TRAP1: variants seen among roughly 807,000 people sequenced by gnomAD.
TRAP1 encodes heat shock protein 75 kDa, mitochondrial.
In TRAP1, 102 loss-of-function variants were observed where a neutral mutation model predicts 89.1. The observed-to-expected ratio is 1.15, with a 90% confidence interval of 0.98 to 1.35. The LOEUF (loss-of-function observed/expected upper bound fraction) is 1.35. Ranked by LOEUF, TRAP1 falls within the 40% of genes most tolerant of loss-of-function variation. The pLI, the probability that TRAP1 is intolerant of heterozygous loss-of-function variation, is 0.00. For synonymous variants in TRAP1, 508 were observed against 388.0 expected, an observed-to-expected ratio of 1.31 and a Z score of -3.64; for missense variants, 1,256 against 945.3, an observed-to-expected ratio of 1.33 and a Z score of -4.31.
intron 1 of TRAP1, among the ~76,000 whole-genome samples, chr16:3,697,435 C>T (rs922715853): frequency 2.0e-5 from 3 of 151,874 alleles, no homozygotes; most frequent in Non-Finnish European, 4.4e-5. Flanking sequence ...GAGGCCGAGG[C>T]GGGAGGATCA....
At chr16:3,664,723 C>A (rs1159208160) in intron 12 of TRAP1, 2 of 432,054 alleles carry the variant, frequency 4.6e-6, no homozygotes, top group South Asian at 2.9e-5. Flanking sequence ...GCGCACCACG[C>A]CCTGGGAGGG....
chr16:3,702,651 G>A (rs912574401), intron 1 of TRAP1, among the ~76,000 whole-genome samples: 1 of 151,640 alleles, frequency 6.6e-6, no homozygotes, highest in East Asian at 1.9e-4. Flanking sequence ...TACTTGAGGC[G>A]GAAGGATCAC....
In TRAP1 at chr16:3,674,458, A is replaced by G. The variant is rs753342714; in HGVS notation, c.925T>C (p.Trp309Arg). The G allele has an allele frequency of 6.2e-7, 1 of 1,613,896 alleles. No individual in the cohort carries two copies. The highest frequency in any genetic ancestry group is 1.3e-5 in the African/African-American group (1 of 74,910). Reference protein sequence around the residue: ...WMMDPKDVREWQHEEFYRYVA... With the variant: ...WMMDPKDVRERQHEEFYRYVA... ...TAGCGGTAGAACTCCTCATGTTGCC[A>G]CTCACGGACATCCTTGGGGTCCATC... Residue 309 changes from tryptophan (W) to arginine (R), a missense_variant, in exon 9 of 18, where the codon TGG (tryptophan) becomes CGG (arginine). Trp to Arg is a moderately radical substitution (Grantham distance 101, BLOSUM62 -3). Transcript: ENST00000246957.
At chr16:3,663,779 G>A (rs951482233) in intron 13 of TRAP1, 26 of 586,668 alleles carry the variant, frequency 4.4e-5, no homozygotes, top group Admixed American at 6.1e-5. Flanking sequence ...CACGCATAAA[G>A]AAATCCACAT....
intron 1 of TRAP1, among the ~76,000 whole-genome samples, chr16:3,706,233 C>T (rs976005622): frequency 1.3e-5 from 2 of 152,090 alleles, no homozygotes; most frequent in Admixed American, 6.6e-5. Context: ...AGATTGTAGA[C>T]ATGAGCCACT....
intron 7 of TRAP1, among the ~76,000 whole-genome samples, chr16:3,675,694 C>A (rs2151255945): frequency 6.6e-6 from 1 of 152,312 alleles, no homozygotes; most frequent in East Asian, 1.9e-4. Context: ...GTACTCAGGG[C>A]CTCCCTGAGT....
intron 4 of TRAP1, among the ~76,000 whole-genome samples, chr16:3,683,842 G>A (rs1451230383): frequency 2.6e-5 from 4 of 151,358 alleles, no homozygotes; most frequent in Non-Finnish European, 4.4e-5. Context: ...ATCATCTGTT[G>A]CCAGGCGACC....
intron 16 of TRAP1, chr16:3,661,052 A>G (rs940308745): frequency 6.6e-6 from 1 of 152,212 alleles, no homozygotes; most frequent in Non-Finnish European, 1.5e-5. Flanking sequence ...AAATTGCTAC[A>G]TTCAAAATTT....
intron 11 of TRAP1, among the ~76,000 whole-genome samples, chr16:3,669,343 C>T (rs11646287): frequency 0.44 from 66,896 of 152,054 alleles, 16,895 homozygotes; most frequent in African/African-American, 0.71. Context: ...GCCCTGTGGT[C>T]ATGTCGGCAG....
chr16:3,660,897 C>G lies in TRAP1; in HGVS notation c.1940+1090G>C, dbSNP rs996268492. 2 of 152,080 alleles carry G rather than the reference C, an allele frequency of 1.3e-5. 1 individual carries two copies. The highest frequency in any genetic ancestry group is 4.8e-5 in the African/African-American group (2 of 41,398). 9.4% of individuals were successfully genotyped at this position (152,080 alleles called of 1,614,324 possible). A position where few individuals can be genotyped will look rare whatever the true frequency, so the allele number is the denominator to read the frequency against. ...TGAGATTGCCCCACTGCACTCCAAC[C>G]TGGGGGACAGAGTGAGACCCTGTCT... On this transcript the variant is annotated intron_variant, in intron 16 of 17. Transcript: ENST00000246957.
At chr16:3,694,114 TGG>T (rs2051254815) in intron 1 of TRAP1, among the ~76,000 whole-genome samples, 1 of 151,884 alleles carries the variant, frequency 6.6e-6, no homozygotes, top group Non-Finnish European at 1.5e-5. Context: ...CCGGCATCCT[TGG>T]TGTTTCATGC....
intron 4 of TRAP1, among the ~76,000 whole-genome samples, chr16:3,683,770 T>A (rs1268936223): frequency 6.0e-5 from 9 of 151,028 alleles, no homozygotes; most frequent in Middle Eastern, 3.4e-3. Flanking sequence ...AAAATTGAAA[T>A]CTGTTCTAAA....
intron 1 of TRAP1, among the ~76,000 whole-genome samples, chr16:3,705,042 T>C (rs1443899518): frequency 6.6e-6 from 1 of 152,068 alleles, no homozygotes; most frequent in African/African-American, 2.4e-5. Context: ...TTCACAAAGT[T>C]GTACAGCCAC....
rs758152262 is a variant in TRAP1 at position 3,689,171 on chromosome 16, T to A, written c.248-34A>T. On this transcript the variant is annotated intron_variant, in intron 2 of 17. Coordinates refer to ENST00000246957, the MANE Select transcript of TRAP1 (RefSeq NM_016292.3). ...GAAACACAGACACAACCAACAAAGT[T>A]TAACTTCTATTTTTGTGCAAGAATA... 5.1e-6 allele frequency: 8 copies of A among 1,575,642 alleles called. No individual in the cohort carries two copies. In the Admixed American group the frequency reaches 1.4e-4, roughly 27 times the overall value.
At chr16:3,665,461 A>C (rs1451432086) in intron 12 of TRAP1, 1 of 154,256 alleles carries the variant, frequency 6.5e-6, no homozygotes, top group Non-Finnish European at 1.4e-5. Context: ...TGGACAAAAA[A>C]TGTTTATGGA....
In TRAP1 at chr16:3,679,706, G is replaced by C. The variant is rs1430083791; in HGVS notation, c.543+13C>G. The C allele has an allele frequency of 1.7e-5, 28 of 1,613,780 alleles. No individual in the cohort carries two copies. Among genetic ancestry groups the C allele is most frequent in the Non-Finnish European group, 2.1e-5 (25 of 1,179,910 alleles). ...AGGGGAAGGGGGAGGCTGTGTGGGG[G>C]CCCCACGCTTACCTTTGACCCCGAT... On this transcript the variant is annotated intron_variant, in intron 5 of 17. Transcript: ENST00000246957.
At chr16:3,658,309 C>G in intron 17 of TRAP1, 79 bp from the exon 18 acceptor site, 1 of 1,193,788 alleles carries the variant, frequency 8.4e-7, no homozygotes, top group Non-Finnish European at 1.2e-6. Flanking sequence ...CAGAGTCTCA[C>G]TGTTGCCGAG....
chr16:3,673,797 G>A (rs559762895), intron 9 of TRAP1, among the ~76,000 whole-genome samples: 9 of 152,254 alleles, frequency 5.9e-5, no homozygotes, highest in Middle Eastern at 6.8e-3. Flanking sequence ...CAGGATTTGC[G>A]GGAACTTCAA....
chr16:3,693,834 AAC>A (rs1385444300), intron 1 of TRAP1, among the ~76,000 whole-genome samples: 1 of 151,940 alleles, frequency 6.6e-6, no homozygotes, highest in African/African-American at 2.4e-5. Context: ...CTCTGCAAAA[AAC>A]ACAAAAACTA....
Sources: allele counts gnomAD v4.1 joint callset (sites outside exome capture counted in the v4.1 genomes callset), GRCh38; gene constraint gnomAD v4.1.1; transcripts MANE v1.5; gene names NCBI Gene and HGNC (gene_info 2026-07-23, HGNC 2026-07-21).